Variants in CD109 observed in about 807,000 individuals in gnomAD.
CD109 encodes the protein CD109 antigen.
Under a neutral mutation model 165.8 loss-of-function variants are expected in CD109, and 149 were observed. The ratio of observed to expected loss-of-function variants is 0.90; its 90% CI spans 0.79 to 1.03. The LOEUF is 1.03. CD109 is among the 50% of genes least tolerant of loss of function. CD109 has a pLI of 0.00. For missense variants in CD109, 1,712 were observed against 1,677.8 expected, an observed-to-expected ratio of 1.02 and a Z score of -0.36; for synonymous variants, 585 against 592.1, an observed-to-expected ratio of 0.99 and a Z score of 0.18.
At chr6:73,744,480 A>C (rs1452693104) in intron 5 of CD109, among the ~76,000 whole-genome samples, 1 of 152,218 alleles carries the variant, frequency 6.6e-6, no homozygotes, top group Non-Finnish European at 1.5e-5. Context: ...CTGTGAGCTA[A>C]TGGAAAACAG....
At chr6:73,795,443 A>G (rs530137263) in intron 23 of CD109, among the ~76,000 whole-genome samples, 88 of 152,118 alleles carry the variant, frequency 5.8e-4, no homozygotes, top group Non-Finnish European at 1.1e-3. Flanking sequence ...CCAAATCCTC[A>G]GTATCTGTTG....
chr6:73,823,796 A>C lies in CD109; in HGVS notation c.*163A>C. On this transcript the variant is annotated 3_prime_UTR_variant, in exon 33 of 33. Transcript: ENST00000287097. ...AACAGGTCCTAGCATGTATAGCTGC[A>C]TAGATTTCTTCACCTGATCTTTGTG... 1 of 501,606 alleles carries C rather than the reference A, an allele frequency of 2.0e-6. No individual in the cohort carries two copies. Among genetic ancestry groups the C allele is most frequent in the Non-Finnish European group, 3.5e-6 (1 of 285,788 alleles). The allele number at this position is 501,606 out of a possible 1,614,324, so 31.1% of individuals were successfully genotyped here.
Position 73,787,220 on chromosome 6 carries a change from T to A in CD109, c.2338-14T>A. 1 of 1,548,408 alleles carries A rather than the reference T, an allele frequency of 6.5e-7. No homozygotes were observed. The highest frequency in any genetic ancestry group is 8.9e-7 in the Non-Finnish European group (1 of 1,123,788). On this transcript the variant is annotated splice_polypyrimidine_tract_variant and intron_variant, in intron 20 of 32. Coordinates refer to ENST00000287097, the MANE Select transcript of CD109 (RefSeq NM_133493.5). ...TCTATTATACAAAAGCTTTGATTTA[T>A]TTTTTTCTTTCAGGTTAAGGTAATC... is the stretch of plus-strand genomic sequence containing the variant.
At chr6:73,689,283 A>C in the CD109 span, among the ~76,000 whole-genome samples, 2 of 152,192 alleles carry the variant, frequency 1.3e-5, no homozygotes, top group Non-Finnish European at 2.9e-5. Context: ...GATCAGAAGC[A>C]CAGGTCACAA....
intron 25 of CD109, 45 bp from the exon 26 acceptor site, chr6:73,808,038 A>G (rs762660440): frequency 1.3e-5 from 20 of 1,564,780 alleles, no homozygotes; most frequent in Non-Finnish European, 1.7e-5. Flanking sequence ...GTATGTGGTA[A>G]TGGGTTACTC....
At chr6:73,685,562 T>A in the CD109 span, among the ~76,000 whole-genome samples, 3 of 152,188 alleles carry the variant, frequency 2.0e-5, no homozygotes, top group African/African-American at 4.8e-5. Context: ...TTTTAAAAAA[T>A]TTTATTTCAA....
At chr6:73,823,361 A>C in intron 32 of CD109, 97 bp from the exon 33 acceptor site, 1 of 912,574 alleles carries the variant, frequency 1.1e-6, no homozygotes, top group Non-Finnish European at 1.7e-6. Context: ...AAGAATGGAA[A>C]ACTCAGAAAA....
chr6:73,740,421 A>G (rs1772727017), intron 5 of CD109, among the ~76,000 whole-genome samples: 1 of 152,124 alleles, frequency 6.6e-6, no homozygotes, highest in South Asian at 2.1e-4. Context: ...TATTAATAAC[A>G]TGTTTGTTTG....
In CD109 at chr6:73,827,223, A is replaced by T. The variant is rs184182343; in HGVS notation, c.*3590A>T. 7.3e-4 allele frequency: 111 copies of T among 152,286 alleles called. 1 individual carries two copies. The highest frequency in any genetic ancestry group is 2.6e-3 in the African/African-American group (108 of 41,576). The allele number at this position is 152,286 out of a possible 1,614,324, so 9.4% of individuals were successfully genotyped here. A position where few individuals can be genotyped will look rare whatever the true frequency, so the allele number is the denominator to read the frequency against. ...AGGGTAGTTATTATTTGAGTCTGCC[A>T]AGTGGTTACCATGGGGCAAGGTGCC... On this transcript the variant is annotated 3_prime_UTR_variant, in exon 33 of 33. Transcript: ENST00000287097.
upstream of CD109, among the ~76,000 whole-genome samples, chr6:73,692,159 A>G (rs1247284539): frequency 6.6e-6 from 1 of 152,018 alleles, no homozygotes; most frequent in African/African-American, 2.4e-5. Flanking sequence ...ACCAGGCCCC[A>G]CCTCCGAAAT....
At chr6:73,714,086 G>A (rs1771635203) in intron 2 of CD109, among the ~76,000 whole-genome samples, 1 of 152,144 alleles carries the variant, frequency 6.6e-6, no homozygotes, top group Admixed American at 6.6e-5. Flanking sequence ...TCTCAATAAT[G>A]GAGGGTGCTG....
chr6:73,746,311 G>A (rs1015440978), intron 5 of CD109, among the ~76,000 whole-genome samples: 2 of 152,170 alleles, frequency 1.3e-5, no homozygotes, highest in African/African-American at 4.8e-5. Context: ...GGGGAAGGGG[G>A]CACTGAAATG....
At chr6:73,767,246 C>G (rs1246507147) in intron 13 of CD109, among the ~76,000 whole-genome samples, 1 of 152,066 alleles carries the variant, frequency 6.6e-6, no homozygotes, top group Admixed American at 6.6e-5. Context: ...TCGGTTGTTC[C>G]CCTCTATGTG....
intron 5 of CD109, among the ~76,000 whole-genome samples, chr6:73,739,575 G>A (rs921036993): frequency 2.0e-5 from 3 of 152,120 alleles, no homozygotes; most frequent in Non-Finnish European, 2.9e-5. Context: ...TTGGCTGGGC[G>A]TGGTGGCTCA....
the CD109 span, among the ~76,000 whole-genome samples, chr6:73,679,452 T>G: frequency 1.3e-5 from 2 of 151,874 alleles, no homozygotes; most frequent in Non-Finnish European, 2.9e-5. Context: ...CGTTTACAAT[T>G]AAAACGTCCC....
At chr6:73,743,277 G>A (rs1206203374) in intron 5 of CD109, among the ~76,000 whole-genome samples, 7 of 152,164 alleles carry the variant, frequency 4.6e-5, no homozygotes, top group East Asian at 1.9e-4. Flanking sequence ...CTACAATTTC[G>A]TAACCGTTGT....
intron 17 of CD109, among the ~76,000 whole-genome samples, chr6:73,781,812 CGCAGACACACACACACACACACA>C (rs1774516333): frequency 6.8e-6 from 1 of 147,706 alleles, no homozygotes; most frequent in Non-Finnish European, 1.5e-5. Flanking sequence ...TAGACACACA[CGCAGACACACACACACACACACA>C]CCCCTCATCA....
intron 27 of CD109, 61 bp from the exon 28 acceptor site, chr6:73,810,930 AT>A: frequency 6.7e-7 from 1 of 1,494,846 alleles, no homozygotes; most frequent in Non-Finnish European, 9.1e-7. Context: ...ATACTACTAA[AT>A]TTACTCTTTG....
At chr6:73,719,343 C>T (rs1771862368) in intron 2 of CD109, among the ~76,000 whole-genome samples, 1 of 152,176 alleles carries the variant, frequency 6.6e-6, no homozygotes, top group South Asian at 2.1e-4. Flanking sequence ...TCTCACAATT[C>T]TCATTTAGCC....
Sources: allele counts gnomAD v4.1 joint callset (sites outside exome capture counted in the v4.1 genomes callset), GRCh38; gene constraint gnomAD v4.1.1; transcripts MANE v1.5; gene names NCBI Gene and HGNC (gene_info 2026-07-23, HGNC 2026-07-21).